Variants in MDM4 observed in about 807,000 individuals in gnomAD.
MDM4 encodes the protein protein Mdm4.
Under a neutral mutation model 60.2 loss-of-function variants are expected in MDM4, and 2 were observed. That is an observed-to-expected ratio of 0.03 (90% CI 0.01 to 0.10). The LOEUF (loss-of-function observed/expected upper bound fraction) is 0.10. Ranked by LOEUF, MDM4 falls within the 10% of genes least tolerant of loss-of-function variation. The pLI is 1.00. For synonymous variants in MDM4, 202 were observed against 198.1 expected, an observed-to-expected ratio of 1.02 and a Z score of -0.17; for missense variants, 447 against 577.5, an observed-to-expected ratio of 0.77 and a Z score of 2.32.
chr1:204,528,177 A>G lies in MDM4; in HGVS notation c.153+1743A>G, dbSNP rs114436367. The stretch of plus-strand genomic sequence containing the variant: ...AATGCAAATTAAAAAAAGTATTGGC[A>G]AGGAGAGGTGACCACTGTCCCCTGG... On this transcript the variant is annotated intron_variant, in intron 3 of 10. Transcript: ENST00000367182. Among the ~76,000 whole-genome samples, 807 of 152,030 alleles carry G rather than the reference A, an allele frequency of 5.3e-3. 5 individuals carry two copies. The highest frequency in any genetic ancestry group is 0.018 in the African/African-American group (760 of 41,464).
rs1558337735 is a variant in MDM4, at chr1:204,549,428, A to G, written c.1219A>G (p.Ile407Val). Residue 407 changes from isoleucine to valine, a missense_variant, in exon 11 of 11, where the codon ATC becomes GTC. Physicochemically the swap from Ile to Val is conservative, Grantham distance 29. Transcript: ENST00000367182. ...LAHSSESQET[I>V]SSMGEQLDNL... is the part of the protein sequence containing the mutation. ...TCACAGTTCTGAAAGCCAAGAGACC[A>G]TCTCAAGCATGGGAGAACAGTTAGA... is the stretch of plus-strand genomic sequence containing the variant. 1.2e-6 allele frequency: 2 copies of G among 1,612,992 alleles called. No individual in the cohort carries two copies. The highest frequency in any genetic ancestry group is 8.5e-7 in the Non-Finnish European group (1 of 1,179,720).
intron 5 of MDM4, 33 bp from the exon 6 acceptor site, chr1:204,537,397 G>A: frequency 6.4e-7 from 1 of 1,563,078 alleles, no homozygotes; most frequent in Non-Finnish European, 8.8e-7. Flanking sequence ...TATTACCAGG[G>A]AAGGTTTTCC....
rs905080177 is a variant in MDM4 at position 204,553,588 on chromosome 1, TCA to T, written c.*3910_*3911del. The stretch of plus-strand genomic sequence containing the variant: ...GTGCTGTAGACTATGAATAATGAAA[TCA>T]CACCACATTACCATCAGATTTCTTG... On this transcript the variant is annotated 3_prime_UTR_variant, in exon 11 of 11. Coordinates refer to ENST00000367182, the MANE Select transcript of MDM4 (RefSeq NM_002393.5). 1.3e-5 allele frequency: 3 copies of T among 228,310 alleles called. No individual in the cohort carries two copies. The highest frequency in any genetic ancestry group is 2.6e-5 in the Non-Finnish European group (3 of 115,088). The allele number at this position is 228,310 out of a possible 1,614,324, so 14.1% of individuals were successfully genotyped here.
In MDM4 at chr1:204,551,003, A is replaced by G. The variant is rs757174277; in HGVS notation, c.*1321A>G. On this transcript the variant is annotated 3_prime_UTR_variant, in exon 11 of 11. Transcript: ENST00000367182. ...TTAATTCAGATAAACACACAAACAT[A>G]CTTCTCTGGCACAGCCTTCAGAAGC... 6.5e-5 allele frequency: 12 copies of G among 185,914 alleles called. No homozygotes were observed. The highest frequency in any genetic ancestry group is 3.7e-4 in the Admixed American group (6 of 16,084). The allele number at this position is 185,914 out of a possible 1,614,324, so 11.5% of individuals were successfully genotyped here.
At chr1:204,530,022 G>A (rs1301100935) in intron 3 of MDM4, among the ~76,000 whole-genome samples, 3 of 152,046 alleles carry the variant, frequency 2.0e-5, no homozygotes, top group South Asian at 2.1e-4. Context: ...GACTACAAGC[G>A]TGCCTCACCA....
intron 7 of MDM4, 54 bp from the exon 8 acceptor site, chr1:204,542,730 C>T (rs1662238850): frequency 7.6e-7 from 1 of 1,322,420 alleles, no homozygotes; most frequent in Non-Finnish European, 1.0e-6. Flanking sequence ...TAAAGATAGT[C>T]TTAGTTATTA....
chr1:204,540,166 T>C (rs1661899219), intron 7 of MDM4, among the ~76,000 whole-genome samples: 2 of 151,778 alleles, frequency 1.3e-5, no homozygotes, highest in African/African-American at 4.8e-5. Context: ...GCGCCCGTAG[T>C]CCCAGCTACC....
At position 204,532,912 on chromosome 1, in the gene MDM4, C is replaced by T. The variant is rs1572482704; in HGVS notation, c.343+666C>T. ...AATAAATTCAAGTTTAAATTTTTTG[C>T]CAAGAAAGCTTTATAGGTAATGCTT... On this transcript the variant is annotated intron_variant, in intron 5 of 10. Coordinates refer to ENST00000367182, the MANE Select transcript of MDM4 (RefSeq NM_002393.5). 3.4e-6 allele frequency: 5 copies of T among 1,457,324 alleles called. No homozygotes were observed. The East Asian group carries it at 1.1e-4, about 34-fold the overall frequency. 90.3% of individuals were successfully genotyped at this position (1,457,324 alleles called of 1,614,324 possible).
chr1:204,546,485 C>T (rs1330626137), intron 9 of MDM4, among the ~76,000 whole-genome samples: 1 of 152,126 alleles, frequency 6.6e-6, no homozygotes, highest in Non-Finnish European at 1.5e-5. Context: ...TTATAGGCAC[C>T]TGGCTGTAAA....
chr1:204,534,170 C>G (rs1159079230), intron 5 of MDM4, among the ~76,000 whole-genome samples: 2 of 152,218 alleles, frequency 1.3e-5, no homozygotes, highest in East Asian at 1.9e-4. Flanking sequence ...TTTGAACTTA[C>G]TGAATTTTGA....
chr1:204,517,377 C>T (rs1236410101), intron 1 of MDM4, among the ~76,000 whole-genome samples: 3 of 152,022 alleles, frequency 2.0e-5, no homozygotes, highest in African/African-American at 7.2e-5. Flanking sequence ...GCTTGAAAAC[C>T]ACAGGTTTTT....
intron 7 of MDM4, among the ~76,000 whole-genome samples, chr1:204,540,774 CA>C (rs1280105512): frequency 6.6e-6 from 1 of 151,476 alleles, no homozygotes; most frequent in South Asian, 2.1e-4. Context: ...AAAAAACAAA[CA>C]AAAAAAACAC....
At chr1:204,531,491 A>G (rs1383583463) in intron 4 of MDM4, among the ~76,000 whole-genome samples, 1 of 152,174 alleles carries the variant, frequency 6.6e-6, no homozygotes, top group Non-Finnish European at 1.5e-5. Context: ...CTCTTTCTCT[A>G]TAGCTTTGAT....
intron 5 of MDM4, among the ~76,000 whole-genome samples, chr1:204,535,113 T>TTTTCA (rs1219168980): frequency 1.3e-5 from 2 of 152,202 alleles, no homozygotes; most frequent in Non-Finnish European, 1.5e-5. Flanking sequence ...TGGGTTAAAC[T>TTTTCA]TTTCATTTTG....
At chr1:204,541,217 G>A (rs1478278091) in intron 7 of MDM4, among the ~76,000 whole-genome samples, 1 of 152,182 alleles carries the variant, frequency 6.6e-6, no homozygotes, top group Non-Finnish European at 1.5e-5. Flanking sequence ...CCAGCACTTT[G>A]GGAGGCTGAG....
intron 7 of MDM4, among the ~76,000 whole-genome samples, chr1:204,540,384 T>C (rs1370928302): frequency 1.3e-5 from 2 of 152,216 alleles, no homozygotes; most frequent in Non-Finnish European, 2.9e-5. Flanking sequence ...TGCCCTTGGA[T>C]GGTAGTCACC....
In MDM4 at chr1:204,556,697, A is replaced by C. The variant is rs1663560332; in HGVS notation, c.*7015A>C. 4.7e-6 allele frequency: 1 copy of C among 211,894 alleles called. No homozygotes were observed. Among genetic ancestry groups the C allele is most frequent in the African/African-American group, 2.3e-5 (1 of 44,156 alleles). The allele number at this position is 211,894 out of a possible 1,614,324, so 13.1% of individuals were successfully genotyped here. On this transcript the variant is annotated 3_prime_UTR_variant, in exon 11 of 11. Transcript: ENST00000367182. Reference sequence around the variant, plus strand: ...GGTGACAGAGACGCTGTCTCAAAGAAATTGAGGTCAGGCTTCCTTCTTACA... The same window carrying C: ...GGTGACAGAGACGCTGTCTCAAAGACATTGAGGTCAGGCTTCCTTCTTACA...
chr1:204,545,219 T>C (rs1662535575), intron 9 of MDM4, among the ~76,000 whole-genome samples: 1 of 152,198 alleles, frequency 6.6e-6, no homozygotes, highest in South Asian at 2.1e-4. Context: ...AAAACTTATT[T>C]CTTGGAAATC....
intron 5 of MDM4, 123 bp downstream of exon 5, chr1:204,532,369 A>G: frequency 1.4e-6 from 1 of 690,102 alleles, no homozygotes; most frequent in South Asian, 1.7e-5. Flanking sequence ...TGGGAGAAAT[A>G]CATACTACCT....
Sources: gnomAD v4.1 joint callset for allele counts (sites outside exome capture counted in the v4.1 genomes callset) on GRCh38, gnomAD v4.1.1 for gene constraint, MANE v1.5 for transcripts, NCBI Gene and HGNC (gene_info 2026-07-23, HGNC 2026-07-21) for gene names.